The following POLR2H variants were observed in gnomAD, a reference collection of about 807,000 sequenced individuals.
POLR2H encodes DNA-directed RNA polymerases I, II, and III subunit RPABC3.
A neutral mutation model predicts 18.1 loss-of-function variants in POLR2H; 3 were observed. That is an observed-to-expected ratio of 0.17 (90% CI 0.08 to 0.43). The LOEUF (loss-of-function observed/expected upper bound fraction) is 0.43. Among genes scored for constraint, POLR2H ranks in the 20% least tolerant of loss-of-function variants. The pLI is 0.99. For missense variants in POLR2H, 103 were observed against 184.6 expected, an observed-to-expected ratio of 0.56 and a Z score of 2.56; for synonymous variants, 76 against 69.0, an observed-to-expected ratio of 1.10 and a Z score of -0.50.
At position 184,363,109 on chromosome 3, in the gene POLR2H, G is replaced by C. The variant is rs1430057127; in HGVS notation, c.-384G>C. 1 of 317,568 alleles carries C rather than the reference G, an allele frequency of 3.1e-6. No homozygotes were observed. Among genetic ancestry groups the C allele is most frequent in the East Asian group, 1.1e-4 (1 of 9,136 alleles). 19.7% of individuals were successfully genotyped at this position (317,568 alleles called of 1,614,324 possible). A position where few individuals can be genotyped will look rare whatever the true frequency, so the allele number is the denominator to read the frequency against. The stretch of plus-strand genomic sequence containing the variant: ...GGGCCAAGGATCAAGGTCCCTGCCT[G>C]GGTTAGGCCCCCACGCATTCCAGTC... On this transcript the variant is annotated 5_prime_UTR_variant, in exon 2 of 6. Coordinates refer to ENST00000456318, the MANE Select transcript of POLR2H (RefSeq NM_006232.5).
At position 184,368,440 on chromosome 3, in the gene POLR2H, T is replaced by C. The variant is rs1713717172; in HGVS notation, c.*146T>C. 1.8e-6 allele frequency: 1 copy of C among 564,846 alleles called. No homozygotes were observed. Among genetic ancestry groups the C allele is most frequent in the Non-Finnish European group, 3.1e-6 (1 of 326,876 alleles). 35.0% of individuals were successfully genotyped at this position (564,846 alleles called of 1,614,324 possible). A position where few individuals can be genotyped will look rare whatever the true frequency, so the allele number is the denominator to read the frequency against. On this transcript the variant is annotated 3_prime_UTR_variant, in exon 6 of 6. Transcript: ENST00000456318. ...GCATCTTTAACTGGCCTCCACTCAA[T>C]GGGAAACTGACTCGCCTGTGAAAGA... is the stretch of plus-strand genomic sequence containing the variant.
At position 184,362,622 on chromosome 3, in the gene POLR2H, T is replaced by C; in HGVS notation, c.-620-251T>C. The C allele has an allele frequency of 6.7e-6, 1 of 149,280 alleles. No homozygotes were observed. Among genetic ancestry groups the C allele is most frequent in the Non-Finnish European group, 1.5e-5 (1 of 68,440 alleles). The allele number at this position is 149,280 out of a possible 1,614,324, so 9.2% of individuals were successfully genotyped here. Reference sequence around the variant, plus strand: ...GGAAGGGCCAGTGTGAGGGAAGAGCTGGTATCCAAGGGACAGGGCAGTGCC... The same window carrying C: ...GGAAGGGCCAGTGTGAGGGAAGAGCCGGTATCCAAGGGACAGGGCAGTGCC... On this transcript the variant is annotated intron_variant, in intron 1 of 5. Transcript: ENST00000456318. The surrounding 1 kb of genome is among the most constrained non-coding windows in gnomAD (Gnocchi z 5.9).
Position 184,363,369 on chromosome 3 carries a change from C to T in POLR2H, c.-124C>T. ...GTTTGTGCGCATGCGCCACTCTCGT[C>T]TGGCCGCCGCGCTTTCAGGAGGTGC... On this transcript the variant is annotated 5_prime_UTR_variant, in exon 2 of 6. Transcript: ENST00000456318. The T allele has an allele frequency of 1.3e-6, 1 of 792,568 alleles. No homozygotes were observed. Among genetic ancestry groups the T allele is most frequent in the Non-Finnish European group, 2.2e-6 (1 of 460,384 alleles). The allele number at this position is 792,568 out of a possible 1,614,324, so 49.1% of individuals were successfully genotyped here.
chr3:184,367,712 G>A (rs1713574034), intron 5 of POLR2H, among the ~76,000 whole-genome samples: 1 of 151,878 alleles, frequency 6.6e-6, no homozygotes, highest in Non-Finnish European at 1.5e-5. Flanking sequence ...GGATGGTCTT[G>A]ATCTCCTGAC....
chr3:184,362,991 T>C lies in POLR2H; in HGVS notation c.-502T>C, dbSNP rs1712489404. 1 of 189,754 alleles carries C rather than the reference T, an allele frequency of 5.3e-6. No homozygotes were observed. Among genetic ancestry groups the C allele is most frequent in the Non-Finnish European group, 1.1e-5 (1 of 89,948 alleles). The allele number at this position is 189,754 out of a possible 1,614,324, so 11.8% of individuals were successfully genotyped here. On this transcript the variant is annotated 5_prime_UTR_variant, in exon 2 of 6. Coordinates refer to ENST00000456318, the MANE Select transcript of POLR2H (RefSeq NM_006232.5). This position sits in a 1 kb window ranked among gnomAD's most constrained non-coding sequence, Gnocchi z 5.9. Reference sequence around the variant, plus strand: ...GCCGGCTGGAGGGGCTGGGCACCTCTGGGGCGGGGTTCTGCTCCACCTGCC... The same window carrying C: ...GCCGGCTGGAGGGGCTGGGCACCTCCGGGGCGGGGTTCTGCTCCACCTGCC...
chr3:184,363,383 T>G lies in POLR2H; in HGVS notation c.-110T>G, dbSNP rs192458357. The G allele has an allele frequency of 1.5e-5, 14 of 907,862 alleles. No individual in the cohort carries two copies. The highest frequency in any genetic ancestry group is 2.5e-5 in the Non-Finnish European group (14 of 558,236). 56.2% of individuals were successfully genotyped at this position (907,862 alleles called of 1,614,324 possible). A position where few individuals can be genotyped will look rare whatever the true frequency, so the allele number is the denominator to read the frequency against. On this transcript the variant is annotated 5_prime_UTR_variant, in exon 2 of 6. Coordinates refer to ENST00000456318, the MANE Select transcript of POLR2H (RefSeq NM_006232.5). ...GCCACTCTCGTCTGGCCGCCGCGCT[T>G]TCAGGAGGTGCTTTTGGTTCTCTCC... is the stretch of plus-strand genomic sequence containing the variant.
In POLR2H at chr3:184,368,204, G is replaced by C. The variant is rs1301292375; in HGVS notation, c.363G>C (p.Leu121=). 1 of 1,614,100 alleles carries C rather than the reference G, an allele frequency of 6.2e-7. No homozygotes were observed. The highest frequency in any genetic ancestry group is 1.3e-5 in the African/African-American group (1 of 75,044). The change falls in exon 6 of 6, where the codon CTG becomes CTC. Residue 121 remains leucine, a synonymous_variant. Transcript: ENST00000456318. ...RLSAYVSYGG[L]LMRLQGDANN... ...CTGCGTACGTGTCCTATGGGGGCCT[G>C]CTCATGAGGCTGCAGGGGGATGCCA...
At chr3:184,366,052 C>CTTGT (rs1397992757) in intron 4 of POLR2H, among the ~76,000 whole-genome samples, 7 of 151,884 alleles carry the variant, frequency 4.6e-5, no homozygotes, top group African/African-American at 1.2e-4. Flanking sequence ...TTGTGAGTTG[C>CTTGT]AGCCTTTTGA....
intron 4 of POLR2H, chr3:184,366,500 G>T: frequency 5.7e-6 from 2 of 349,252 alleles, no homozygotes; most frequent in South Asian, 2.8e-5. Context: ...ACCACGCCCG[G>T]CTAATTTTTT....
rs1712277371 is a variant in POLR2H, at chr3:184,362,302, A to C, written c.-621+156A>C. On this transcript the variant is annotated intron_variant, in intron 1 of 5. Transcript: ENST00000456318. This position sits in a 1 kb window ranked among gnomAD's most constrained non-coding sequence, Gnocchi z 5.9. ...GGTCGCTTCTCCCTGGCTGGGCCCAAGGAGGAACCCAAGTCGCTGCTTCCA... is the reference window on the plus strand; with the variant it reads ...GGTCGCTTCTCCCTGGCTGGGCCCACGGAGGAACCCAAGTCGCTGCTTCCA... 6.6e-6 allele frequency: 1 copy of C among 152,470 alleles called. No individual in the cohort carries two copies. Among genetic ancestry groups the C allele is most frequent in the South Asian group, 2.1e-4 (1 of 4,840 alleles). 9.4% of individuals were successfully genotyped at this position (152,470 alleles called of 1,614,324 possible).
At chr3:184,368,112 G>A in intron 5 of POLR2H, 65 bp from the exon 6 acceptor site, 1 of 1,612,866 alleles carries the variant, frequency 6.2e-7, no homozygotes, top group Non-Finnish European at 8.5e-7. Flanking sequence ...CTCTTTCTTA[G>A]GCTGAGATTG....
At position 184,368,355 on chromosome 3, in the gene POLR2H, G is replaced by C; in HGVS notation, c.*61G>C. 7.2e-7 allele frequency: 1 copy of C among 1,384,404 alleles called. No homozygotes were observed. The highest frequency in any genetic ancestry group is 9.8e-7 in the Non-Finnish European group (1 of 1,021,492). 85.8% of individuals were successfully genotyped at this position (1,384,404 alleles called of 1,614,324 possible). Reference sequence around the variant, plus strand: ...CAGGTCATGGGCATTGTTCAAGCCTGAGTGGCAGCCGCTCTTGCTCACCTG... The same window carrying C: ...CAGGTCATGGGCATTGTTCAAGCCTCAGTGGCAGCCGCTCTTGCTCACCTG... On this transcript the variant is annotated 3_prime_UTR_variant, in exon 6 of 6. Transcript: ENST00000456318.
chr3:184,365,975 C>CAAA (rs563119852), intron 4 of POLR2H, among the ~76,000 whole-genome samples: 2 of 61,972 alleles, frequency 3.2e-5, no homozygotes, highest in Non-Finnish European at 6.7e-5. Context: ...GACTCCGTCT[C>CAAA]AAAAAAAAAA....
At chr3:184,365,856 G>C (rs1387135546) in intron 4 of POLR2H, among the ~76,000 whole-genome samples, 1 of 149,640 alleles carries the variant, frequency 6.7e-6, no homozygotes, top group East Asian at 1.9e-4. Flanking sequence ...GGCGCCTGTA[G>C]TCCCAGCTAC....
chr3:184,365,155 A>C lies in POLR2H; in HGVS notation c.180A>C (p.Ile60=), dbSNP rs759838883. The C allele has an allele frequency of 1.9e-6, 3 of 1,613,396 alleles. No homozygotes were observed. The highest frequency in any genetic ancestry group is 1.7e-5 in the Admixed American group (1 of 60,020). The stretch of plus-strand genomic sequence containing the variant: ...CAGGTGACAAGTTTCGGTTGGTCAT[A>C]GCTAGTACCTTGTATGAAGATGGTA... ...VDLGDKFRLV[I]ASTLYEDGTL... Residue 60 remains isoleucine (I), a synonymous_variant, in exon 4 of 6, where the codon ATA becomes ATC. Transcript: ENST00000456318.
Position 184,363,394 on chromosome 3 carries a change from C to A in POLR2H, c.-99C>A. On this transcript the variant is annotated 5_prime_UTR_variant, in exon 2 of 6. The change creates a premature stop within an existing upstream ORF in the 5' untranslated region. Coordinates refer to ENST00000456318, the MANE Select transcript of POLR2H (RefSeq NM_006232.5). The stretch of plus-strand genomic sequence containing the variant: ...CTGGCCGCCGCGCTTTCAGGAGGTG[C>A]TTTTGGTTCTCTCCGGTCTTGTCCA... 2 of 1,013,392 alleles carry A rather than the reference C, an allele frequency of 2.0e-6. No individual in the cohort carries two copies. The highest frequency in any genetic ancestry group is 1.3e-5 in the South Asian group (1 of 75,098). 62.8% of individuals were successfully genotyped at this position (1,013,392 alleles called of 1,614,324 possible). A position where few individuals can be genotyped will look rare whatever the true frequency, so the allele number is the denominator to read the frequency against.
In POLR2H at chr3:184,362,956, G is replaced by A. The variant is rs1363015639; in HGVS notation, c.-537G>A. The A allele has an allele frequency of 5.9e-6, 1 of 168,692 alleles. No individual in the cohort carries two copies. Among genetic ancestry groups the A allele is most frequent in the Non-Finnish European group, 1.3e-5 (1 of 77,966 alleles). The allele number at this position is 168,692 out of a possible 1,614,324, so 10.4% of individuals were successfully genotyped here. A position where few individuals can be genotyped will look rare whatever the true frequency, so the allele number is the denominator to read the frequency against. On this transcript the variant is annotated 5_prime_UTR_variant, in exon 2 of 6. Coordinates refer to ENST00000456318, the MANE Select transcript of POLR2H (RefSeq NM_006232.5). The surrounding 1 kb of genome is among the most constrained non-coding windows in gnomAD (Gnocchi z 5.9). ...CCGAGCCGGCCCAGGCCGGCCCCGG[G>A]GTCCTCGGTGCCGGCTGGAGGGGCT... is the stretch of plus-strand genomic sequence containing the variant.
chr3:184,365,639 C>A, intron 4 of POLR2H: 1 of 188,086 alleles, frequency 5.3e-6, no homozygotes, highest in Non-Finnish European at 1.1e-5. Flanking sequence ...CCACTGCACT[C>A]CAGCCTGGGT....
Position 184,363,434 on chromosome 3 carries a change from C to A in POLR2H, c.-59C>A. ...GGTCTTGTCCACGCTAGGGGGTGCA[C>A]GTACTCCCAACTGTGGTCGCGCTCT... On this transcript the variant is annotated 5_prime_UTR_variant, in exon 2 of 6. Transcript: ENST00000456318. 4.3e-6 allele frequency: 6 copies of A among 1,386,442 alleles called. No individual in the cohort carries two copies. The highest frequency in any genetic ancestry group is 6.2e-6 in the Non-Finnish European group (6 of 975,348). The allele number at this position is 1,386,442 out of a possible 1,614,324, so 85.9% of individuals were successfully genotyped here.
Sources: allele counts gnomAD v4.1 joint callset (sites outside exome capture counted in the v4.1 genomes callset), GRCh38; gene constraint gnomAD v4.1.1; non-coding constraint Gnocchi (gnomAD v3.1); transcripts MANE v1.5; gene names NCBI Gene and HGNC (gene_info 2026-07-23, HGNC 2026-07-21).